GLIS3: variants seen among roughly 807,000 people sequenced by gnomAD.
GLIS3 encodes zinc finger protein GLIS3.
In GLIS3, 53 loss-of-function variants were observed where a neutral mutation model predicts 78.6. That is an observed-to-expected ratio of 0.67 (90% CI 0.54 to 0.85). GLIS3 has a LOEUF of 0.85. Ranked by LOEUF, GLIS3 falls within the 40% of genes least tolerant of loss-of-function variation. The pLI is 0.00. For synonymous variants in GLIS3, 684 were observed against 509.9 expected (o/e 1.34, Z -4.60); for missense variants, 1,703 against 1,231.1 (o/e 1.38, Z -5.74).
At chr9:4,375,584 C>G in the GLIS3 span, among the ~76,000 whole-genome samples, 1 of 152,128 alleles carries the variant, frequency 6.6e-6, no homozygotes, top group African/African-American at 2.4e-5. Context: ...AGACACATGG[C>G]TTTATAATGT....
At chr9:4,155,414 G>T (rs771111399) in intron 2 of GLIS3, among the ~76,000 whole-genome samples, 1 of 152,184 alleles carries the variant, frequency 6.6e-6, no homozygotes, top group Non-Finnish European at 1.5e-5. Flanking sequence ...TGACCTGGCC[G>T]TGGCGTAGAT....
the GLIS3 span, among the ~76,000 whole-genome samples, chr9:4,440,284 C>G: frequency 1.1e-4 from 16 of 152,228 alleles, no homozygotes; most frequent in African/African-American, 3.9e-4. Context: ...TGTCATGAAG[C>G]ATTTCTCCAA....
chr9:4,324,943 G>A lies in GLIS3; in HGVS notation n.265-14415C>T, dbSNP rs570249994. On this transcript the variant is annotated intron_variant and non_coding_transcript_variant, in intron 2 of 4. Transcript: ENST00000471664. ...TGCTAAATAGCAGTTAACATTTACTGAGAACTTACTGTGTGCTAGGTAATA... is the reference window on the plus strand; with the variant it reads ...TGCTAAATAGCAGTTAACATTTACTAAGAACTTACTGTGTGCTAGGTAATA... Among the ~76,000 whole-genome samples the A allele has an allele frequency of 8.5e-5, 13 of 152,264 alleles. No homozygotes were observed. The East Asian group carries it at 1.9e-3, about 23-fold the overall frequency.
chr9:4,218,472 G>A (rs932590605), intron 2 of GLIS3, among the ~76,000 whole-genome samples: 4 of 152,194 alleles, frequency 2.6e-5, no homozygotes, highest in African/African-American at 7.2e-5. Flanking sequence ...TAAAGACGGG[G>A]TTTCACTGTG....
chr9:4,039,511 A>G (rs963460905), intron 4 of GLIS3, among the ~76,000 whole-genome samples: 3 of 152,104 alleles, frequency 2.0e-5, no homozygotes, highest in African/African-American at 7.2e-5. Context: ...AAACTTCACA[A>G]ACACAGGACG....
chr9:4,477,485 G>A, the GLIS3 span, among the ~76,000 whole-genome samples: 1 of 152,036 alleles, frequency 6.6e-6, no homozygotes, highest in Non-Finnish European at 1.5e-5. Context: ...CGTGATCACG[G>A]CTCACTGCAG....
At chr9:4,155,139 TA>T in intron 2 of GLIS3, among the ~76,000 whole-genome samples, 1 of 152,316 alleles carries the variant, frequency 6.6e-6, no homozygotes, top group South Asian at 2.1e-4. Context: ...TTTCGGTATT[TA>T]AAAAATGTTC....
At chr9:4,132,003 C>T (rs1033922992) in intron 2 of GLIS3, among the ~76,000 whole-genome samples, 3 of 150,892 alleles carry the variant, frequency 2.0e-5, no homozygotes, top group Non-Finnish European at 4.4e-5. Flanking sequence ...ATTCTCTTCT[C>T]ATTTCCAATA....
intron 4 of GLIS3, among the ~76,000 whole-genome samples, chr9:3,991,742 G>C (rs567890891): frequency 4.6e-4 from 61 of 131,786 alleles, no homozygotes; most frequent in Non-Finnish European, 5.4e-4. Context: ...CCAGGCTGGA[G>C]TGCAGTGGTG....
In GLIS3 at chr9:4,118,525, G is replaced by T. The variant is rs1831908854; in HGVS notation, c.953C>A (p.Thr318Asn). 1.2e-6 allele frequency: 2 copies of T among 1,614,128 alleles called. No individual in the cohort carries two copies. The highest frequency in any genetic ancestry group is 2.2e-5 in the South Asian group (2 of 91,092). ...GGACGTGGGCGACGTGCGGATGATGGTATTGAAATCTATCCCGATGCCATC... is the reference window on the plus strand; with the variant it reads ...GGACGTGGGCGACGTGCGGATGATGTTATTGAAATCTATCCCGATGCCATC... ...LSDGIGIDFN[T>N]IIRTSPTSLV... The change falls in exon 4 of 11, where the codon ACC becomes AAC. Residue 318 changes from threonine (T) to asparagine (N), a missense_variant. Physicochemically the swap from Thr to Asn is moderately conservative, Grantham distance 65. Coordinates refer to ENST00000381971, the MANE Select transcript of GLIS3 (RefSeq NM_001042413.2). The surrounding 1 kb of genome is among the most constrained non-coding windows in gnomAD (Gnocchi z 4.7).
chr9:4,215,567 A>G (rs754769999), intron 2 of GLIS3, among the ~76,000 whole-genome samples: 7 of 152,168 alleles, frequency 4.6e-5, no homozygotes, highest in African/African-American at 1.2e-4. Context: ...CCAAATGTCC[A>G]TCAAAAAACC....
At chr9:4,049,991 C>A (rs1825596037) in intron 4 of GLIS3, among the ~76,000 whole-genome samples, 1 of 152,146 alleles carries the variant, frequency 6.6e-6, no homozygotes, top group Non-Finnish European at 1.5e-5. Flanking sequence ...CACTTTTACA[C>A]TGTTGGTGGG....
chr9:4,360,024 C>CAAA, the GLIS3 span, among the ~76,000 whole-genome samples: 1 of 134,058 alleles, frequency 7.5e-6, no homozygotes, highest in Admixed American at 7.4e-5. Context: ...TCAGGATTTG[C>CAAA]AAAAAAAAAA....
At chr9:4,076,043 T>C (rs1828025363) in intron 4 of GLIS3, among the ~76,000 whole-genome samples, 1 of 152,196 alleles carries the variant, frequency 6.6e-6, no homozygotes, top group African/African-American at 2.4e-5. Flanking sequence ...ATATTGACTG[T>C]GGTGGTGGTT....
chr9:4,040,455 G>A (rs923244176), intron 4 of GLIS3, among the ~76,000 whole-genome samples: 3 of 152,166 alleles, frequency 2.0e-5, no homozygotes, highest in African/African-American at 4.8e-5. Flanking sequence ...CTACATTTAC[G>A]ATAGAAAAGG....
chr9:4,148,748 G>A (rs1199901101), intron 2 of GLIS3, among the ~76,000 whole-genome samples: 2 of 152,072 alleles, frequency 1.3e-5, no homozygotes, highest in Non-Finnish European at 2.9e-5. Context: ...GCTACAAGGA[G>A]GGTGGGATTG....
At chr9:4,290,146 C>G (rs918130782) in intron 1 of GLIS3, among the ~76,000 whole-genome samples, 1 of 152,146 alleles carries the variant, frequency 6.6e-6, no homozygotes, top group African/African-American at 2.4e-5. Context: ...ATATCATTAA[C>G]AGACCCATCT....
chr9:3,900,015 C>T (rs1226378445), intron 6 of GLIS3, among the ~76,000 whole-genome samples: 1 of 151,898 alleles, frequency 6.6e-6, no homozygotes, highest in Non-Finnish European at 1.5e-5. Context: ...GCCGTACAGA[C>T]CTATGGGGGA....
intron 3 of GLIS3, among the ~76,000 whole-genome samples, chr9:4,124,546 C>T (rs568109765): frequency 2.6e-5 from 4 of 152,294 alleles, no homozygotes; most frequent in African/African-American, 9.6e-5. Context: ...TGAGAAGTCC[C>T]TTAAGGCATA....
Sources: gnomAD v4.1 joint callset for allele counts (sites outside exome capture counted in the v4.1 genomes callset) on GRCh38, gnomAD v4.1.1 for gene constraint, Gnocchi (gnomAD v3.1) non-coding constraint, MANE v1.5 for transcripts, NCBI Gene and HGNC (gene_info 2026-07-23, HGNC 2026-07-21) for gene names.